TMED3: variants seen among roughly 807,000 people sequenced by gnomAD.
TMED3 encodes transmembrane p24 trafficking protein 3, also known as transmembrane emp24 domain-containing protein 3.
In TMED3, 9 loss-of-function variants were observed where a neutral mutation model predicts 15.0. The ratio of observed to expected loss-of-function variants is 0.60; its 90% CI spans 0.36 to 1.04. TMED3 has a LOEUF of 1.04. Ranked by LOEUF, TMED3 falls within the 50% of genes least tolerant of loss-of-function variation. The pLI, the probability that TMED3 is intolerant of heterozygous loss-of-function variation, is 0.01. For synonymous variants in TMED3, 117 were observed against 121.4 expected (o/e 0.96, Z 0.24); for missense variants, 267 against 278.9 (o/e 0.96, Z 0.30).
chr15:79,339,531 C>T (rs976060289), intron 2 of TMED3, among the ~76,000 whole-genome samples: 2 of 152,220 alleles, frequency 1.3e-5, no homozygotes, highest in African/African-American at 4.8e-5. Flanking sequence ...ATTCTATTAA[C>T]TTCCATTGCA....
chr15:79,370,928 A>T (rs80178055), intron 2 of TMED3, among the ~76,000 whole-genome samples: 3,970 of 152,336 alleles, frequency 0.026, 84 homozygotes, highest in Non-Finnish European at 0.037. Context: ...ACAGCTCTGC[A>T]CTGAGCTTAT....
chr15:79,324,835 C>T (rs62025044), downstream of TMED3, among the ~76,000 whole-genome samples: 925 of 152,258 alleles, frequency 6.1e-3, 6 homozygotes, highest in Middle Eastern at 0.027. Context: ...TTGGGGCTGA[C>T]CTTTCTGGAT....
chr15:79,380,081 G>GTA (rs945574642), intron 2 of TMED3, among the ~76,000 whole-genome samples: 8 of 152,184 alleles, frequency 5.3e-5, no homozygotes, highest in East Asian at 1.9e-4. Context: ...CAGGTCCTTG[G>GTA]TATATATATG....
At chr15:79,341,995 G>A (rs1158176569) in intron 2 of TMED3, among the ~76,000 whole-genome samples, 1 of 152,070 alleles carries the variant, frequency 6.6e-6, no homozygotes, top group Non-Finnish European at 1.5e-5. Flanking sequence ...GTACAAAAAT[G>A]TGACAAAATA....
At chr15:79,383,504 T>C (rs572472251) in intron 2 of TMED3, 1 of 164,732 alleles carries the variant, frequency 6.1e-6, no homozygotes, top group East Asian at 1.6e-4. Flanking sequence ...GTACAAAAGG[T>C]AAAGTCTAGG....
intron 2 of TMED3, among the ~76,000 whole-genome samples, chr15:79,341,665 A>G (rs1336304241): frequency 2.0e-5 from 3 of 152,240 alleles, no homozygotes; most frequent in East Asian, 1.9e-4. Flanking sequence ...TCCCTGTGCC[A>G]TAAGAAAAAT....
At chr15:79,324,078 C>G (rs1319670368), downstream of TMED3, among the ~76,000 whole-genome samples, 3 of 152,192 alleles carry the variant, frequency 2.0e-5, no homozygotes, top group Admixed American at 6.5e-5. Flanking sequence ...GCAACCTCCC[C>G]CTCCTGGGTT....
At chr15:79,315,355 A>G (rs958703499) in intron 2 of TMED3, among the ~76,000 whole-genome samples, 2 of 152,206 alleles carry the variant, frequency 1.3e-5, no homozygotes, top group African/African-American at 2.4e-5. Flanking sequence ...AGAAAGTTCC[A>G]TTGTCCAAAA....
chr15:79,357,204 G>A (rs977624739), intron 2 of TMED3, among the ~76,000 whole-genome samples: 1 of 151,984 alleles, frequency 6.6e-6, no homozygotes, highest in African/African-American at 2.4e-5. Context: ...CAAGCACACG[G>A]CTGGGCATGG....
At chr15:79,399,247 C>T (rs73479673) in intron 2 of TMED3, among the ~76,000 whole-genome samples, 3,432 of 152,160 alleles carry the variant, frequency 0.023, 132 homozygotes, top group African/African-American at 0.078. Flanking sequence ...CTCACAGAAA[C>T]GCCCAAAATA....
rs375384994 is a variant in TMED3, at chr15:79,322,072, G to A, written c.512G>A (p.Arg171Gln). ...CTGCGGGAGGCCCAGGACCGGGCCC[G>A]AGCAGAAGACCTTAATAGCCGAGTC... ...YRLREAQDRA[R>Q]AEDLNSRVSY... Residue 171 changes from arginine (R) to glutamine (Q), a missense_variant, in exon 3 of 3, where the codon CGA becomes CAA. Physicochemically the swap from Arg to Gln is conservative, Grantham distance 43 (BLOSUM62 1). Around this residue, in one of 3 missense-constraint regions of TMED3, gnomAD observed 139 missense variants for 125.0 expected, o/e 1.11. Coordinates refer to ENST00000299705, the MANE Select transcript of TMED3 (RefSeq NM_007364.4). 5 of 1,614,092 alleles carry A rather than the reference G, an allele frequency of 3.1e-6. No individual in the cohort carries two copies. The highest frequency in any genetic ancestry group is 1.3e-5 in the African/African-American group (1 of 74,946).
At chr15:79,358,188 C>T (rs1394514827) in intron 2 of TMED3, among the ~76,000 whole-genome samples, 1 of 152,158 alleles carries the variant, frequency 6.6e-6, no homozygotes, top group Non-Finnish European at 1.5e-5. Context: ...GTGAGCAGAG[C>T]CAGGCTGGGA....
At chr15:79,413,329 C>T (rs1416356378) in exon 3 of TMED3, 1 of 152,198 alleles carries the variant, frequency 6.6e-6, no homozygotes, top group Non-Finnish European at 1.5e-5. Flanking sequence ...GCAACGCAGA[C>T]AGCTGTATGT....
intron 2 of TMED3, among the ~76,000 whole-genome samples, chr15:79,389,333 T>G (rs1339723518): frequency 2.0e-5 from 3 of 151,896 alleles, no homozygotes; most frequent in Non-Finnish European, 2.9e-5. Flanking sequence ...CCAGCACCAT[T>G]TGTTGAAAAG....
intron 2 of TMED3, among the ~76,000 whole-genome samples, chr15:79,361,478 A>G (rs1470398333): frequency 6.6e-6 from 1 of 152,232 alleles, no homozygotes. Context: ...ACCGAACGTC[A>G]TATGTTCTCA....
chr15:79,411,279 C>T (rs570459761), intron 2 of TMED3: 1 of 581,318 alleles, frequency 1.7e-6, no homozygotes, highest in Non-Finnish European at 3.1e-6. Context: ...AAGGTAAATT[C>T]TTCCACAAAG....
chr15:79,342,407 CA>C (rs1366612104), intron 2 of TMED3, among the ~76,000 whole-genome samples: 4 of 151,940 alleles, frequency 2.6e-5, no homozygotes, highest in Non-Finnish European at 4.4e-5. Context: ...ACTTTTATAT[CA>C]AAAAAGGTTA....
intron 2 of TMED3, among the ~76,000 whole-genome samples, chr15:79,371,374 T>C (rs1315000327): frequency 6.6e-6 from 1 of 152,130 alleles, no homozygotes; most frequent in Non-Finnish European, 1.5e-5. Flanking sequence ...GTGATAGAAC[T>C]GCAGCTTCCT....
intron 2 of TMED3, among the ~76,000 whole-genome samples, chr15:79,363,109 A>G (rs1285232188): frequency 6.6e-6 from 1 of 152,208 alleles, no homozygotes; most frequent in East Asian, 1.9e-4. Flanking sequence ...GAGGGAAACA[A>G]TGGACTAGTG....
Sources: allele counts gnomAD v4.1 joint callset (sites outside exome capture counted in the v4.1 genomes callset), GRCh38; gene constraint gnomAD v4.1.1; regional missense constraint gnomAD v4.1.1; transcripts MANE v1.5; gene names NCBI Gene and HGNC (gene_info 2026-07-23, HGNC 2026-07-21).